Variants in MAST4 observed in about 807,000 individuals in gnomAD.
MAST4 encodes microtubule-associated serine/threonine-protein kinase 4.
In MAST4, 89 loss-of-function variants were observed where a neutral mutation model predicts 162.7. That is an observed-to-expected ratio of 0.55 (90% CI 0.46 to 0.65). MAST4 has a LOEUF of 0.65. MAST4 is among the 30% of genes least tolerant of loss of function. The pLI is 0.00. For missense variants in MAST4, 3,153 were observed against 3,374.0 expected (o/e 0.93, Z 1.62); for synonymous variants, 1,479 against 1,361.1 (o/e 1.09, Z -1.91).
At chr5:66,621,013 T>G (rs1448752598) in intron 1 of MAST4, among the ~76,000 whole-genome samples, 1 of 152,138 alleles carries the variant, frequency 6.6e-6, no homozygotes, top group Non-Finnish European at 1.5e-5. Context: ...ATAGATTGTT[T>G]TTTTTTTCCC....
In MAST4 at chr5:66,759,899, A is replaced by C. The variant is rs527394034; in HGVS notation, c.517+37A>C. On this transcript the variant is annotated intron_variant, in intron 2 of 28. Transcript: ENST00000403625. ...CGGCTTGGATGAGAGAAGGAATTGC[A>C]TTTCTTTACAAGGTCCTGCATGGCC... 5 of 1,610,872 alleles carry C rather than the reference A, an allele frequency of 3.1e-6. No homozygotes were observed. In the East Asian group the frequency reaches 1.1e-4, roughly 36 times the overall value.
chr5:67,158,210 C>A (rs1335501244), intron 26 of MAST4, among the ~76,000 whole-genome samples: 1 of 152,134 alleles, frequency 6.6e-6, no homozygotes, highest in Non-Finnish European at 1.5e-5. Flanking sequence ...TGATTTTTCT[C>A]ATTAAAGAAC....
intron 5 of MAST4, among the ~76,000 whole-genome samples, chr5:67,071,876 C>T (rs571350916): frequency 5.3e-5 from 8 of 152,222 alleles, no homozygotes; most frequent in African/African-American, 1.9e-4. Context: ...TAAAAAGATA[C>T]TTTAAAATGT....
Position 67,165,503 on chromosome 5 carries a change from C to T in MAST4, c.6324C>T (p.Phe2108=). 1 of 1,613,974 alleles carries T rather than the reference C, an allele frequency of 6.2e-7. No individual in the cohort carries two copies. The highest frequency in any genetic ancestry group is 8.5e-7 in the Non-Finnish European group (1 of 1,179,902). ...AGAAGAGTGAAAAGCTCTCCAGTTTCCCATCTTTGCAGAAAGATGGTGCCA... is the reference window on the plus strand; with the variant it reads ...AGAAGAGTGAAAAGCTCTCCAGTTTTCCATCTTTGCAGAAAGATGGTGCCA... The part of the protein sequence containing the change: ...ESEKSEKLSS[F]PSLQKDGAKE... The change falls in exon 29 of 29, where the codon TTC becomes TTT. Residue 2108 remains phenylalanine (F), a synonymous_variant. Coordinates refer to ENST00000403625, the MANE Select transcript of MAST4 (RefSeq NM_001164664.2).
At chr5:66,727,971 T>C (rs1011647849) in intron 1 of MAST4, among the ~76,000 whole-genome samples, 2 of 152,132 alleles carry the variant, frequency 1.3e-5, no homozygotes, top group Non-Finnish European at 2.9e-5. Context: ...GTTGGGTTCA[T>C]GTTGAAAACC....
chr5:67,022,797 C>T (rs948889067), intron 4 of MAST4, among the ~76,000 whole-genome samples: 2 of 152,072 alleles, frequency 1.3e-5, no homozygotes, highest in Admixed American at 1.3e-4. Flanking sequence ...ATGTATGATG[C>T]ATTTCCATCT....
At chr5:67,023,855 C>T (rs973314692) in intron 4 of MAST4, among the ~76,000 whole-genome samples, 1 of 151,780 alleles carries the variant, frequency 6.6e-6, no homozygotes, top group Non-Finnish European at 1.5e-5. Flanking sequence ...CCAATTACTG[C>T]TCCATCTCTT....
rs538258710 is a variant in MAST4 at position 66,754,342 on chromosome 5, C to T, written c.364-5367C>T. Among the ~76,000 whole-genome samples the T allele has an allele frequency of 1.2e-3, 181 of 152,212 alleles. 6 individuals are homozygous for T. In the South Asian group the frequency reaches 0.036, roughly 30 times the overall value. ...GGAGTTAGCTGTGTTCAAAAATTAG[C>T]ATATTAGTTTGGTATATGGAACAGA... On this transcript the variant is annotated intron_variant, in intron 1 of 28. Transcript: ENST00000403625.
Position 66,725,114 on chromosome 5 carries a change from C to T in MAST4, c.364-34595C>T, listed in dbSNP as rs534453373. ...TTCTGTTTTTTTAATTTTTAAATTT[C>T]TGCCAATTTTGTTCAATTGATATCT... is the stretch of plus-strand genomic sequence containing the variant. On this transcript the variant is annotated intron_variant, in intron 1 of 28. Coordinates refer to ENST00000403625, the MANE Select transcript of MAST4 (RefSeq NM_001164664.2). Among the ~76,000 whole-genome samples, 6 of 151,482 alleles carry T rather than the reference C, an allele frequency of 4.0e-5. No individual in the cohort carries two copies. In the East Asian group the frequency reaches 1.2e-3, roughly 29 times the overall value.
At chr5:67,010,136 C>T (rs112765933) in intron 4 of MAST4, among the ~76,000 whole-genome samples, 237 of 152,238 alleles carry the variant, frequency 1.6e-3, no homozygotes, top group African/African-American at 5.4e-3. Context: ...CTGAATACCA[C>T]GGGATATTTA....
At chr5:66,794,695 T>C (rs1755566169) in intron 3 of MAST4, among the ~76,000 whole-genome samples, 1 of 152,220 alleles carries the variant, frequency 6.6e-6, no homozygotes, top group African/African-American at 2.4e-5. Context: ...TTCTTAACTT[T>C]TTTGAAGGGA....
intron 3 of MAST4, among the ~76,000 whole-genome samples, chr5:66,872,804 G>A (rs1678962921): frequency 6.6e-6 from 1 of 152,120 alleles, no homozygotes; most frequent in African/African-American, 2.4e-5. Flanking sequence ...CTAAAATACT[G>A]GGTGCATTAA....
intron 24 of MAST4, among the ~76,000 whole-genome samples, chr5:67,150,988 C>T (rs1005798131): frequency 2.0e-5 from 3 of 152,114 alleles, no homozygotes; most frequent in South Asian, 2.1e-4. Flanking sequence ...TGGAACTCAC[C>T]ACACCCTGGT....
intron 2 of MAST4, among the ~76,000 whole-genome samples, chr5:66,775,257 G>C (rs2149646991): frequency 6.6e-6 from 1 of 152,182 alleles, no homozygotes; most frequent in Admixed American, 6.5e-5. Context: ...CTTGAGAGAT[G>C]GCCATTTGGA....
chr5:67,151,804 G>A (rs1193633941), intron 24 of MAST4, among the ~76,000 whole-genome samples: 1 of 114,070 alleles, frequency 8.8e-6, no homozygotes, highest in Non-Finnish European at 1.6e-5. Flanking sequence ...GTCTTGCTCT[G>A]TCGCCTAGGC....
At chr5:66,824,345 C>T (rs942021198) in intron 3 of MAST4, among the ~76,000 whole-genome samples, 8 of 152,050 alleles carry the variant, frequency 5.3e-5, no homozygotes, top group South Asian at 2.1e-4. Flanking sequence ...CTGTCACACT[C>T]CTCTGTCACT....
chr5:66,900,389 T>C (rs1339671761), intron 4 of MAST4, among the ~76,000 whole-genome samples: 1 of 152,132 alleles, frequency 6.6e-6, no homozygotes. Context: ...AATTGGAGAC[T>C]TTGAATCAGT....
chr5:66,822,623 G>T (rs1197839653), intron 3 of MAST4, among the ~76,000 whole-genome samples: 2 of 152,106 alleles, frequency 1.3e-5, no homozygotes, highest in Admixed American at 1.3e-4. Context: ...CTGCCCAGGG[G>T]GGTATCTCTA....
chr5:66,968,047 G>A (rs1746966535), intron 4 of MAST4, among the ~76,000 whole-genome samples: 1 of 152,200 alleles, frequency 6.6e-6, no homozygotes, highest in Non-Finnish European at 1.5e-5. Flanking sequence ...TCCAGAAGAA[G>A]CTATCTCATT....
Sources: allele counts gnomAD v4.1 joint callset (sites outside exome capture counted in the v4.1 genomes callset), GRCh38; gene constraint gnomAD v4.1.1; transcripts MANE v1.5; gene names NCBI Gene and HGNC (gene_info 2026-07-23, HGNC 2026-07-21).